PAX2: variants seen among roughly 807,000 people sequenced by gnomAD.
PAX2 encodes the protein paired box protein Pax-2.
Under a neutral mutation model 41.7 loss-of-function variants are expected in PAX2, and 9 were observed. That is an observed-to-expected ratio of 0.22 (90% CI 0.13 to 0.38). The LOEUF is 0.38. PAX2 is among the 10% of genes least tolerant of loss of function. The pLI is 1.00. For synonymous variants in PAX2, 221 were observed against 212.7 expected (o/e 1.04, Z -0.34); for missense variants, 418 against 531.6 (o/e 0.79, Z 2.10).
At chr10:100,773,092 A>G (rs1846268678) in intron 3 of PAX2, among the ~76,000 whole-genome samples, 1 of 152,258 alleles carries the variant, frequency 6.6e-6, no homozygotes, top group Admixed American at 6.5e-5. Flanking sequence ...GTAAGGGATT[A>G]GTCCCTGGGA....
intron 7 of PAX2, among the ~76,000 whole-genome samples, chr10:100,809,799 C>T (rs1439040734): frequency 2.6e-5 from 4 of 152,216 alleles, no homozygotes; most frequent in African/African-American, 7.2e-5. Context: ...GACACCAAGG[C>T]TTGATTTCAA....
At chr10:100,767,991 TC>T (rs1468985718) in intron 3 of PAX2, among the ~76,000 whole-genome samples, 2 of 151,418 alleles carry the variant, frequency 1.3e-5, no homozygotes, top group Non-Finnish European at 1.5e-5. Flanking sequence ...CATTTCCACA[TC>T]CCCCTCCCCC....
intron 5 of PAX2, among the ~76,000 whole-genome samples, chr10:100,799,560 C>T (rs1203183736): frequency 6.6e-6 from 1 of 152,190 alleles, no homozygotes; most frequent in East Asian, 1.9e-4. Context: ...CAGAGTCCGA[C>T]ATCCCTGAGT....
At position 100,748,127 on chromosome 10, in the gene PAX2, C is replaced by T; in HGVS notation, c.44-1619C>T. 2 of 985,192 alleles carry T rather than the reference C, an allele frequency of 2.0e-6. No individual in the cohort carries two copies. The highest frequency in any genetic ancestry group is 9.4e-5 in the South Asian group (2 of 21,278). 61.0% of individuals were successfully genotyped at this position (985,192 alleles called of 1,614,324 possible). A position where few individuals can be genotyped will look rare whatever the true frequency, so the allele number is the denominator to read the frequency against. ...CCCCAGCCCTGGACTCCCGCCGTGT[C>T]CCCTTCCCATCCCCACCCCTTAGAC... On this transcript the variant is annotated intron_variant, in intron 1 of 9. Coordinates refer to ENST00000355243, the MANE Select transcript of PAX2 (RefSeq NM_000278.5). This position sits in a 1 kb window ranked among gnomAD's most constrained non-coding sequence, Gnocchi z 5.0.
intron 1 of PAX2, 106 bp from the exon 2 acceptor site, chr10:100,749,640 C>G: frequency 1.3e-6 from 2 of 1,515,180 alleles, no homozygotes; most frequent in Non-Finnish European, 1.8e-6. Flanking sequence ...GGAACATGCC[C>G]TTCCGCCCTG....
upstream of PAX2, among the ~76,000 whole-genome samples, chr10:100,743,715 G>A (rs927821692): frequency 3.3e-5 from 5 of 152,182 alleles, no homozygotes; most frequent in Non-Finnish European, 7.3e-5. Flanking sequence ...GTCCCTACAC[G>A]AAGTTAGTGC....
At chr10:100,812,684 C>T (rs1196270090) in intron 7 of PAX2, among the ~76,000 whole-genome samples, 2 of 152,220 alleles carry the variant, frequency 1.3e-5, no homozygotes, top group Non-Finnish European at 2.9e-5. Flanking sequence ...CCTTGACCCC[C>T]CCTCCCCATG....
intron 7 of PAX2, among the ~76,000 whole-genome samples, chr10:100,815,976 T>C (rs1431092623): frequency 6.6e-6 from 1 of 152,120 alleles, no homozygotes; most frequent in Non-Finnish European, 1.5e-5. Flanking sequence ...AGCAAAGACG[T>C]AGTTCTGGTG....
intron 5 of PAX2, among the ~76,000 whole-genome samples, chr10:100,805,023 TACACACACACACAC>T (rs3978747): frequency 0.026 from 2,469 of 95,010 alleles, 63 homozygotes; most frequent in African/African-American, 0.064. Flanking sequence ...CTCTCTCACA[TACACACACACACAC>T]ACACACACAC....
At position 100,746,322 on chromosome 10, in the gene PAX2, C is replaced by A; in HGVS notation, c.43+19C>A. On this transcript the variant is annotated intron_variant, in intron 1 of 9. Transcript: ENST00000355243. ...ATGCACCGTGAGTACCGGCGCCCGG[C>A]TCCTGTCCCGGCTCGGGGCTCTCCG... The A allele has an allele frequency of 6.5e-7, 1 of 1,534,466 alleles. No homozygotes were observed.
chr10:100,814,576 G>T lies in PAX2; in HGVS notation c.919+5340G>T, dbSNP rs569274811. On this transcript the variant is annotated intron_variant, in intron 7 of 9. Transcript: ENST00000355243. ...ACTCTGAAAGTAGAGCCTGTTCCAG[G>T]CTTGTCCAGGCTCCCAGACTGCTAA... 2.0e-5 allele frequency among the ~76,000 whole-genome samples: 3 copies of T among 152,298 alleles called. No individual in the cohort carries two copies. The East Asian group carries it at 5.8e-4, about 29-fold the overall frequency.
intron 1 of PAX2, among the ~76,000 whole-genome samples, chr10:100,739,370 G>A (rs1244486252): frequency 6.6e-6 from 1 of 152,232 alleles, no homozygotes; most frequent in Non-Finnish European, 1.5e-5. Context: ...TGCCTTACCA[G>A]CTCCCGGCTG....
At chr10:100,743,603 AGG>A (rs1845041983), upstream of PAX2, among the ~76,000 whole-genome samples, 1 of 152,172 alleles carries the variant, frequency 6.6e-6, no homozygotes, top group South Asian at 2.1e-4. Flanking sequence ...TACTTCCCAG[AGG>A]GGAAAGCCAA....
At position 100,748,898 on chromosome 10, in the gene PAX2, G is replaced by A; in HGVS notation, c.44-848G>A. On this transcript the variant is annotated intron_variant, in intron 1 of 9. Coordinates refer to ENST00000355243, the MANE Select transcript of PAX2 (RefSeq NM_000278.5). The surrounding 1 kb of genome is among the most constrained non-coding windows in gnomAD (Gnocchi z 5.0). ...CAGCGAGGCCTATGCCGTGCCACCT[G>A]GGCGAGACGGTGGGCCCCAACCAGG... 3 of 985,354 alleles carry A rather than the reference G, an allele frequency of 3.0e-6. No individual in the cohort carries two copies. The highest frequency in any genetic ancestry group is 3.6e-6 in the Non-Finnish European group (3 of 829,924). 61.0% of individuals were successfully genotyped at this position (985,354 alleles called of 1,614,324 possible).
chr10:100,784,735 GTTA>G (rs1036385537), intron 5 of PAX2, among the ~76,000 whole-genome samples: 1 of 152,182 alleles, frequency 6.6e-6, no homozygotes, highest in African/African-American at 2.4e-5. Flanking sequence ...TATGGACAGT[GTTA>G]TTAGTATCTG....
At chr10:100,782,416 A>G (rs1846669794) in intron 5 of PAX2, among the ~76,000 whole-genome samples, 4 of 152,258 alleles carry the variant, frequency 2.6e-5, no homozygotes, top group Admixed American at 6.5e-5. Flanking sequence ...TTATGTGGTC[A>G]TTCCACACAT....
chr10:100,810,867 C>T (rs557551573), intron 7 of PAX2, among the ~76,000 whole-genome samples: 44 of 152,338 alleles, frequency 2.9e-4, no homozygotes, highest in African/African-American at 1.0e-3. Context: ...GCCTCCCCCC[C>T]ATGGCCCTGG....
At chr10:100,774,606 C>G (rs951590029) in intron 3 of PAX2, among the ~76,000 whole-genome samples, 7 of 152,084 alleles carry the variant, frequency 4.6e-5, no homozygotes, top group Non-Finnish European at 1.5e-5. Flanking sequence ...AGCACCCGGG[C>G]CTAGGGGTCA....
intron 3 of PAX2, among the ~76,000 whole-genome samples, chr10:100,765,850 G>A (rs563650088): frequency 1.3e-5 from 2 of 152,256 alleles, no homozygotes; most frequent in East Asian, 1.9e-4. Flanking sequence ...TAGCACACAT[G>A]TGTACATGTT....
Sources: gnomAD v4.1 joint callset for allele counts (sites outside exome capture counted in the v4.1 genomes callset) on GRCh38, gnomAD v4.1.1 for gene constraint, Gnocchi (gnomAD v3.1) non-coding constraint, MANE v1.5 for transcripts, NCBI Gene and HGNC (gene_info 2026-07-23, HGNC 2026-07-21) for gene names.